CADM2: variants seen among roughly 807,000 people sequenced by gnomAD.
CADM2 encodes the protein cell adhesion molecule 2, also known as immunoglobulin superfamily member 4D.
In CADM2, 12 loss-of-function variants were observed where a neutral mutation model predicts 49.8. That is an observed-to-expected ratio of 0.24 (90% CI 0.15 to 0.39). The LOEUF is 0.39. Ranked by LOEUF, CADM2 falls within the 10% of genes least tolerant of loss-of-function variation. The pLI is 1.00. For synonymous variants in CADM2, 214 were observed against 175.4 expected (o/e 1.22, Z -1.74); for missense variants, 378 against 492.3 (o/e 0.77, Z 2.20).
intron 5 of CADM2, among the ~76,000 whole-genome samples, chr3:85,891,209 T>C (rs1205082835): frequency 6.6e-6 from 1 of 152,234 alleles, no homozygotes; most frequent in East Asian, 1.9e-4. Context: ...GAATATCTGC[T>C]ACTTAGTGTG....
At chr3:85,185,002 T>C (rs1353268433) in intron 1 of CADM2, among the ~76,000 whole-genome samples, 1 of 152,058 alleles carries the variant, frequency 6.6e-6, no homozygotes, top group Non-Finnish European at 1.5e-5. Context: ...GAAACATCCT[T>C]ACAAAGTGCT....
chr3:86,032,293 G>A (rs1734647520), intron 8 of CADM2, among the ~76,000 whole-genome samples: 2 of 151,686 alleles, frequency 1.3e-5, no homozygotes, highest in Admixed American at 6.6e-5. Flanking sequence ...TATCAAACAG[G>A]TACATAAAGT....
At chr3:85,552,366 GTTTTTTTTTTTTT>G (rs36014885) in intron 1 of CADM2, among the ~76,000 whole-genome samples, 1 of 87,580 alleles carries the variant, frequency 1.1e-5, no homozygotes, top group Admixed American at 1.4e-4. Flanking sequence ...ACTTTGAAAA[GTTTTTTTTTTTTT>G]TTTTTTTTTT....
chr3:85,675,539 G>A (rs1363236747), intron 1 of CADM2, among the ~76,000 whole-genome samples: 2 of 152,138 alleles, frequency 1.3e-5, no homozygotes, highest in Admixed American at 1.3e-4. Flanking sequence ...GTACTGTGAT[G>A]TGTCTTCTGT....
At chr3:85,429,243 C>T (rs2036558675) in intron 1 of CADM2, among the ~76,000 whole-genome samples, 1 of 151,972 alleles carries the variant, frequency 6.6e-6, no homozygotes, top group African/African-American at 2.4e-5. Flanking sequence ...TTAGTTTCAT[C>T]ATTTATATCA....
chr3:85,030,415 CA>C (rs773643237), intron 1 of CADM2, among the ~76,000 whole-genome samples: 1 of 152,202 alleles, frequency 6.6e-6, no homozygotes, highest in East Asian at 1.9e-4. Context: ...ATGCCAAGGA[CA>C]TACGACCAGC....
At chr3:85,215,767 C>T (rs2041910967) in intron 1 of CADM2, among the ~76,000 whole-genome samples, 1 of 152,108 alleles carries the variant, frequency 6.6e-6, no homozygotes, top group South Asian at 2.1e-4. Context: ...GATGATTCAC[C>T]TCTGGCCAGG....
chr3:85,669,816 C>A (rs529260257), intron 1 of CADM2, among the ~76,000 whole-genome samples: 1 of 151,916 alleles, frequency 6.6e-6, no homozygotes, highest in Non-Finnish European at 1.5e-5. Flanking sequence ...TAACATGGGG[C>A]AAACAATGCA....
chr3:85,920,575 T>C (rs1402339863), intron 6 of CADM2, among the ~76,000 whole-genome samples: 2 of 151,812 alleles, frequency 1.3e-5, no homozygotes, highest in Non-Finnish European at 3.0e-5. Context: ...TTTAATTTTT[T>C]TCAGAGAAGT....
intron 1 of CADM2, among the ~76,000 whole-genome samples, chr3:85,285,048 G>A (rs1200965530): frequency 6.6e-6 from 1 of 152,092 alleles, no homozygotes; most frequent in Non-Finnish European, 1.5e-5. Context: ...GTATTTTGAA[G>A]GTAGTGCAGA....
intron 1 of CADM2, among the ~76,000 whole-genome samples, chr3:85,719,587 A>G (rs1164395743): frequency 6.6e-6 from 1 of 152,208 alleles, no homozygotes; most frequent in Non-Finnish European, 1.5e-5. Context: ...TTTACTCTTC[A>G]TTAAGTGGAG....
At chr3:85,329,600 AAAAC>A (rs922320219) in intron 1 of CADM2, among the ~76,000 whole-genome samples, 2 of 152,084 alleles carry the variant, frequency 1.3e-5, no homozygotes, top group Admixed American at 6.5e-5. Context: ...AACAAAACCA[AAAAC>A]AAACAAAAAA....
chr3:86,073,142 A>T lies in CADM2; in HGVS notation c.*6359A>T, dbSNP rs750374046. On this transcript the variant is annotated 3_prime_UTR_variant, in exon 10 of 10. Transcript: ENST00000383699. ...CTCCATTTTTATCATAAACATTTCA[A>T]CATAACCAACATTAGAACAAGTCTG... 6.6e-6 allele frequency: 1 copy of T among 152,108 alleles called. No homozygotes were observed. The highest frequency in any genetic ancestry group is 1.5e-5 in the Non-Finnish European group (1 of 67,958). The allele number at this position is 152,108 out of a possible 1,614,324, so 9.4% of individuals were successfully genotyped here.
chr3:85,199,152 T>A (rs1207206554), intron 1 of CADM2, among the ~76,000 whole-genome samples: 3 of 152,012 alleles, frequency 2.0e-5, no homozygotes, highest in Non-Finnish European at 4.4e-5. Context: ...TTTTACCTTA[T>A]GACATTTTTA....
intron 1 of CADM2, among the ~76,000 whole-genome samples, chr3:85,178,697 C>A (rs1462449358): frequency 6.6e-6 from 1 of 151,768 alleles, no homozygotes; most frequent in Non-Finnish European, 1.5e-5. Context: ...TGAATTTAAA[C>A]TACTTGGCGT....
intron 1 of CADM2, among the ~76,000 whole-genome samples, chr3:85,581,731 G>A (rs576922583): frequency 1.3e-5 from 2 of 151,700 alleles, no homozygotes; most frequent in South Asian, 2.1e-4. Flanking sequence ...CCAGCAGTGT[G>A]GTAATTACAT....
intron 1 of CADM2, among the ~76,000 whole-genome samples, chr3:85,143,064 AT>A (rs2039624645): frequency 6.6e-6 from 1 of 152,228 alleles, no homozygotes. Context: ...TTATTAATTA[AT>A]GGTAAGCAAA....
chr3:85,046,690 A>G (rs924832886), intron 1 of CADM2, among the ~76,000 whole-genome samples: 1 of 152,080 alleles, frequency 6.6e-6, no homozygotes, highest in African/African-American at 2.4e-5. Flanking sequence ...TATGAAATTA[A>G]TATAAAACTC....
chr3:85,511,669 C>G (rs1249041900), intron 1 of CADM2, among the ~76,000 whole-genome samples: 1 of 151,948 alleles, frequency 6.6e-6, no homozygotes, highest in African/African-American at 2.4e-5. Flanking sequence ...GTTCTTTTGA[C>G]TATGCATTTT....
Sources: gnomAD v4.1 joint callset for allele counts (sites outside exome capture counted in the v4.1 genomes callset) on GRCh38, gnomAD v4.1.1 for gene constraint, MANE v1.5 for transcripts, NCBI Gene and HGNC (gene_info 2026-07-23, HGNC 2026-07-21) for gene names.